Variants in TRIM27 observed in about 807,000 individuals in gnomAD.
TRIM27 encodes zinc finger protein RFP.
TRIM27 carries 12 observed loss-of-function variants against 57.6 expected under a neutral mutation model. The ratio of observed to expected loss-of-function variants is 0.21; its 90% CI spans 0.13 to 0.34. TRIM27 has a LOEUF of 0.34. Ranked by LOEUF, TRIM27 falls within the 10% of genes least tolerant of loss-of-function variation. The pLI is 1.00. For synonymous variants in TRIM27, 266 were observed against 259.0 expected (o/e 1.03, Z -0.26); for missense variants, 403 against 656.8 (o/e 0.61, Z 4.22).
At position 28,910,369 on chromosome 6, in the gene TRIM27, G is replaced by A. The variant is rs188895350; in HGVS notation, c.771-1281C>T. 5.3e-3 allele frequency among the ~76,000 whole-genome samples: 802 copies of A among 151,496 alleles called. 4 individuals are homozygous for A. The highest frequency in any genetic ancestry group is 0.014 in the African/African-American group (586 of 41,294). On this transcript the variant is annotated intron_variant, in intron 4 of 7. Transcript: ENST00000377199. ...TTTTGAGAGGGAGTCAGGCTCTGTCGCCCAGGCTAGAGTGCAGTGGCATGA... is the reference window on the plus strand; with the variant it reads ...TTTTGAGAGGGAGTCAGGCTCTGTCACCCAGGCTAGAGTGCAGTGGCATGA...
intron 1 of TRIM27, among the ~76,000 whole-genome samples, chr6:28,922,349 T>C (rs564818975): frequency 1.2e-4 from 18 of 152,324 alleles, no homozygotes; most frequent in African/African-American, 1.7e-4. Flanking sequence ...CTCTTCCATA[T>C]AGGTACACTG....
At position 28,923,944 on chromosome 6, in the gene TRIM27, A is replaced by G. The variant is rs1774280337; in HGVS notation, c.-312T>C. The G allele has an allele frequency of 5.2e-6, 2 of 382,106 alleles. No individual in the cohort carries two copies. The highest frequency in any genetic ancestry group is 9.3e-6 in the Non-Finnish European group (2 of 214,810). The allele number at this position is 382,106 out of a possible 1,614,324, so 23.7% of individuals were successfully genotyped here. A position where few individuals can be genotyped will look rare whatever the true frequency, so the allele number is the denominator to read the frequency against. ...CCAGGGCCAGGCGGGCAAAGCGCGC[A>G]AGACAACGTGGCCGCGTCCGAGCGG... On this transcript the variant is annotated 5_prime_UTR_variant, in exon 1 of 8. Transcript: ENST00000377199.
chr6:28,915,334 C>T (rs1395421848), intron 3 of TRIM27: 3 of 148,642 alleles, frequency 2.0e-5, no homozygotes, highest in Non-Finnish European at 4.4e-5. Flanking sequence ...TTAGACCAGG[C>T]GCAGTAGCTC....
rs1772544336 is a variant in TRIM27, at chr6:28,903,564, C to G, written c.*506G>C. ...TAATGGAGTTAATAAAACTATGGCA[C>G]ATTGGGAATCAGGGGCAGAGGTACT... On this transcript the variant is annotated 3_prime_UTR_variant, in exon 8 of 8. Transcript: ENST00000377199. The G allele has an allele frequency of 4.2e-6, 1 of 237,036 alleles. No individual in the cohort carries two copies. Among genetic ancestry groups the G allele is most frequent in the African/African-American group, 2.2e-5 (1 of 45,398 alleles). The allele number at this position is 237,036 out of a possible 1,614,324, so 14.7% of individuals were successfully genotyped here. A position where few individuals can be genotyped will look rare whatever the true frequency, so the allele number is the denominator to read the frequency against.
chr6:28,923,659 C>A lies in TRIM27; in HGVS notation c.-27G>T. On this transcript the variant is annotated 5_prime_UTR_variant, in exon 1 of 8. The change abolishes an upstream ATG in the 5' untranslated region. Coordinates refer to ENST00000377199, the MANE Select transcript of TRIM27 (RefSeq NM_006510.5). ...GCGCCGGCCTGCGGGGGCGCACGGG[C>A]ATGGGCCCCGGCGCCGAGCTCTGCA... 1.3e-6 allele frequency: 2 copies of A among 1,515,374 alleles called. No homozygotes were observed. The highest frequency in any genetic ancestry group is 1.8e-6 in the Non-Finnish European group (2 of 1,126,808). 93.9% of individuals were successfully genotyped at this position (1,515,374 alleles called of 1,614,324 possible).
Position 28,920,096 on chromosome 6 carries a change from C to G in TRIM27, c.663G>C (p.Gln221His). ...IYNSINGAIT[Q>H]FSCNISHLSS... Reference sequence around the variant, plus strand: ...TGAGGTGGGAGATGTTGCAAGAGAACTGGGTGATGGCACCATTGATGCTAT... The same window carrying G: ...TGAGGTGGGAGATGTTGCAAGAGAAGTGGGTGATGGCACCATTGATGCTAT... Residue 221 changes from glutamine (Q) to histidine (H), a missense_variant, in exon 3 of 8, where the codon CAG becomes CAC. Coordinates refer to ENST00000377199, the MANE Select transcript of TRIM27 (RefSeq NM_006510.5). 12 of 1,614,222 alleles carry G rather than the reference C, an allele frequency of 7.4e-6. No homozygotes were observed. Among genetic ancestry groups the G allele is most frequent in the Non-Finnish European group, 1.0e-5 (12 of 1,180,030 alleles).
At chr6:28,907,873 C>G (rs1215936230) in intron 6 of TRIM27, 5 of 285,730 alleles carry the variant, frequency 1.7e-5, no homozygotes, top group Non-Finnish European at 3.5e-5. Context: ...GGACATGTAT[C>G]TGCTAGCTCT....
chr6:28,903,987 G>T lies in TRIM27; in HGVS notation c.*83C>A. 1 of 1,130,908 alleles carries T rather than the reference G, an allele frequency of 8.8e-7. No homozygotes were observed. Among genetic ancestry groups the T allele is most frequent in the Non-Finnish European group, 1.3e-6 (1 of 770,262 alleles). The allele number at this position is 1,130,908 out of a possible 1,614,324, so 70.1% of individuals were successfully genotyped here. A position where few individuals can be genotyped will look rare whatever the true frequency, so the allele number is the denominator to read the frequency against. On this transcript the variant is annotated 3_prime_UTR_variant, in exon 8 of 8. Transcript: ENST00000377199. ...GAACATGGTAAGGATACCCAGCTGT[G>T]ACAGGACGTGGCAAGGCAACAAGAT...
At chr6:28,910,974 C>T (rs970047559) in intron 4 of TRIM27, among the ~76,000 whole-genome samples, 5 of 152,142 alleles carry the variant, frequency 3.3e-5, no homozygotes, top group Admixed American at 3.3e-4. Flanking sequence ...CATAGTCAAG[C>T]TGCATTTTGC....
At chr6:28,923,114 C>T (rs561032508) in intron 1 of TRIM27, 99 bp downstream of exon 1, 154 of 1,326,722 alleles carry the variant, frequency 1.2e-4, no homozygotes, top group Non-Finnish European at 1.4e-4. Flanking sequence ...ACCACACGTC[C>T]GGCTCAGCCA....
chr6:28,908,722 C>T (rs979984946), intron 6 of TRIM27, 86 bp downstream of exon 6: 16 of 1,350,182 alleles, frequency 1.2e-5, no homozygotes, highest in Admixed American at 1.7e-5. Flanking sequence ...GGGTATCACC[C>T]TTATCCCACG....
chr6:28,908,171 A>G lies in TRIM27; in HGVS notation c.919+637T>C, dbSNP rs1464851935. 3.2e-5 allele frequency: 5 copies of G among 156,202 alleles called. 1 individual carries two copies. In the South Asian group the frequency reaches 8.1e-4, roughly 25 times the overall value. The allele number at this position is 156,202 out of a possible 1,614,324, so 9.7% of individuals were successfully genotyped here. On this transcript the variant is annotated intron_variant, in intron 6 of 7. Transcript: ENST00000377199. ...CCAAATGCCTAGAACGATTTAATAA[A>G]CATAAATATAGGACTTATTATGTGT...
At chr6:28,917,113 A>C (rs9257351) in intron 3 of TRIM27, among the ~76,000 whole-genome samples, 70,284 of 151,090 alleles carry the variant, frequency 0.47, 17,266 homozygotes, top group African/African-American at 0.63. Context: ...CTGCACTCCG[A>C]CTGGGTTTCA....
chr6:28,910,692 A>T (rs1209084367), intron 4 of TRIM27, among the ~76,000 whole-genome samples: 1 of 152,098 alleles, frequency 6.6e-6, no homozygotes, highest in Non-Finnish European at 1.5e-5. Flanking sequence ...CCTATCTTAT[A>T]TAGCCAAATT....
chr6:28,905,150 T>A (rs1772674096), intron 7 of TRIM27: 1 of 153,688 alleles, frequency 6.5e-6, no homozygotes, highest in African/African-American at 2.4e-5. Context: ...CCTCAAGCAA[T>A]CCTCCCACCT....
intron 4 of TRIM27, chr6:28,911,455 G>A (rs1409320918): frequency 4.0e-6 from 2 of 496,140 alleles, no homozygotes; most frequent in African/African-American, 3.9e-5. Context: ...CCTCTCCATG[G>A]AAGTGTCCTC....
In TRIM27 at chr6:28,904,759, G is replaced by A; in HGVS notation, c.947-94C>T. 1 of 823,734 alleles carries A rather than the reference G, an allele frequency of 1.2e-6. No individual in the cohort carries two copies. Among genetic ancestry groups the A allele is most frequent in the Non-Finnish European group, 1.9e-6 (1 of 539,932 alleles). The allele number at this position is 823,734 out of a possible 1,614,324, so 51.0% of individuals were successfully genotyped here. On this transcript the variant is annotated intron_variant, in intron 7 of 7. Coordinates refer to ENST00000377199, the MANE Select transcript of TRIM27 (RefSeq NM_006510.5). This position sits in a 1 kb window ranked among gnomAD's most constrained non-coding sequence, Gnocchi z 6.1. The stretch of plus-strand genomic sequence containing the variant: ...TCTACTACCTCCCCAATAATAAGAG[G>A]TTCCCACTGGAGGTTGCACGTATTT...
chr6:28,922,968 G>A (rs1774159884), intron 1 of TRIM27, among the ~76,000 whole-genome samples: 1 of 152,146 alleles, frequency 6.6e-6, no homozygotes, highest in Non-Finnish European at 1.5e-5. Context: ...GTGTCCGTGA[G>A]ACAGGTAACA....
At chr6:28,916,726 G>A (rs1218950028) in intron 3 of TRIM27, among the ~76,000 whole-genome samples, 1 of 152,156 alleles carries the variant, frequency 6.6e-6, no homozygotes, top group African/African-American at 2.4e-5. Context: ...AAGTGTTTTA[G>A]ATCCAGACAG....
Sources: gnomAD v4.1 joint callset for allele counts (sites outside exome capture counted in the v4.1 genomes callset) on GRCh38, gnomAD v4.1.1 for gene constraint, Gnocchi (gnomAD v3.1) non-coding constraint, MANE v1.5 for transcripts, NCBI Gene and HGNC (gene_info 2026-07-23, HGNC 2026-07-21) for gene names.